The following CYFIP2 variants were observed in gnomAD, a reference collection of about 807,000 sequenced individuals.
CYFIP2 encodes the protein cytoplasmic FMR1-interacting protein 2.
A neutral mutation model predicts 158.7 loss-of-function variants in CYFIP2; 29 were observed. That is an observed-to-expected ratio of 0.18 (90% CI 0.14 to 0.25). The LOEUF is 0.25. Ranked by LOEUF, CYFIP2 falls within the 10% of genes least tolerant of loss-of-function variation. The pLI, the probability that CYFIP2 is intolerant of heterozygous loss-of-function variation, is 1.00. For synonymous variants in CYFIP2, 585 were observed against 617.6 expected, an observed-to-expected ratio of 0.95 and a Z score of 0.78; for missense variants, 852 against 1,639.5, an observed-to-expected ratio of 0.52 and a Z score of 8.29.
intron 11 of CYFIP2, among the ~76,000 whole-genome samples, chr5:157,312,389 G>A (rs1426038757): frequency 6.6e-6 from 1 of 150,734 alleles, no homozygotes; most frequent in Non-Finnish European, 1.5e-5. Flanking sequence ...CCAAATAAGC[G>A]AAAGGAGAGA....
intron 15 of CYFIP2, 68 bp from the exon 16 acceptor site, chr5:157,323,853 T>C (rs1760802744): frequency 1.8e-5 from 25 of 1,428,270 alleles, no homozygotes; most frequent in Non-Finnish European, 2.2e-5. Context: ...AAATACAACA[T>C]GAAGCAACCT....
In CYFIP2 at chr5:157,361,626, G is replaced by A. The variant is rs767053226; in HGVS notation, c.3039+28G>A. 4 of 1,613,480 alleles carry A rather than the reference G, an allele frequency of 2.5e-6. No homozygotes were observed. Among genetic ancestry groups the A allele is most frequent in the Admixed American group, 1.7e-5 (1 of 60,000 alleles). The stretch of plus-strand genomic sequence containing the variant: ...AAGTCCAGAGCCCAAAGGAAGTGGG[G>A]TGTCTCCAGGTTGGAGGGGATGCCA... On this transcript the variant is annotated intron_variant, in intron 26 of 30. Transcript: ENST00000620254. This position sits in a 1 kb window ranked among gnomAD's most constrained non-coding sequence, Gnocchi z 4.4.
At chr5:157,291,320 A>G (rs1199122729) in intron 3 of CYFIP2, among the ~76,000 whole-genome samples, 1 of 152,238 alleles carries the variant, frequency 6.6e-6, no homozygotes, top group Non-Finnish European at 1.5e-5. Flanking sequence ...AAGAGTGAGG[A>G]CCAGAACTCA....
At position 157,307,149 on chromosome 5, in the gene CYFIP2, T is replaced by A. The variant is rs190402397; in HGVS notation, c.796-612T>A. The stretch of plus-strand genomic sequence containing the variant: ...GGCAAATTCAGGAAGAGATTTTTTT[T>A]AAAAAATTAAAGTCACCAGCGGCTC... On this transcript the variant is annotated intron_variant, in intron 8 of 30. Transcript: ENST00000620254. 3.3e-3 allele frequency among the ~76,000 whole-genome samples: 508 copies of A among 152,238 alleles called. 2 individuals are homozygous for A. The highest frequency in any genetic ancestry group is 5.1e-3 in the African/African-American group (210 of 41,548).
chr5:157,353,679 T>A (rs1009347041), intron 23 of CYFIP2, among the ~76,000 whole-genome samples: 1 of 152,228 alleles, frequency 6.6e-6, no homozygotes, highest in African/African-American at 2.4e-5. Flanking sequence ...TCGCCTTTAT[T>A]TACCTGCAGT....
intron 10 of CYFIP2, among the ~76,000 whole-genome samples, chr5:157,310,585 G>A (rs1208929954): frequency 6.6e-6 from 1 of 152,246 alleles, no homozygotes; most frequent in African/African-American, 2.4e-5. Flanking sequence ...GCTAGCGCGT[G>A]ACGGGGTTTT....
chr5:157,339,106 G>A lies in CYFIP2; in HGVS notation c.2435G>A (p.Cys812Tyr), dbSNP rs1331935533. Residue 812 changes from cysteine (C) to tyrosine (Y), a missense_variant, in exon 22 of 31, where the codon TGT becomes TAT. By Grantham distance (194) the Cys-to-Tyr change is radical. Around this residue, in one of 8 missense-constraint regions of CYFIP2, gnomAD observed 191 missense variants for 311.2 expected, o/e 0.61. Coordinates refer to ENST00000620254, the MANE Select transcript of CYFIP2 (RefSeq NM_001037333.3). ...AACCGGCTCACGCATCGGCTGCTCT[G>A]TAAGCATATGACGCTGGACAGCTTC... ...EINRLTHRLL[C>Y]KHMTLDSFDA... 1 of 1,613,896 alleles carries A rather than the reference G, an allele frequency of 6.2e-7. No homozygotes were observed. Among genetic ancestry groups the A allele is most frequent in the Non-Finnish European group, 8.5e-7 (1 of 1,179,846 alleles).
intron 23 of CYFIP2, among the ~76,000 whole-genome samples, chr5:157,346,778 T>C (rs1224325701): frequency 6.6e-6 from 1 of 152,194 alleles, no homozygotes; most frequent in Non-Finnish European, 1.5e-5. Context: ...AACACAAGCG[T>C]CCCAAGAAAC....
intron 11 of CYFIP2, among the ~76,000 whole-genome samples, chr5:157,312,458 A>G (rs1443120363): frequency 6.6e-6 from 1 of 152,186 alleles, no homozygotes; most frequent in Non-Finnish European, 1.5e-5. Flanking sequence ...GGATATATAT[A>G]TATCCTTCTG....
chr5:157,334,538 G>A (rs1761714798), intron 21 of CYFIP2, among the ~76,000 whole-genome samples: 1 of 152,118 alleles, frequency 6.6e-6, no homozygotes, highest in Non-Finnish European at 1.5e-5. Context: ...CTACAATGGA[G>A]AAAATTAGCA....
chr5:157,352,282 C>T (rs1188662714), intron 23 of CYFIP2, among the ~76,000 whole-genome samples: 8 of 152,158 alleles, frequency 5.3e-5, no homozygotes, highest in Non-Finnish European at 1.2e-4. Flanking sequence ...TGCATCATAC[C>T]GTCATACTAC....
chr5:157,343,070 T>A, intron 23 of CYFIP2: 1 of 1,614,198 alleles, frequency 6.2e-7, no homozygotes. Context: ...CACCAACCCA[T>A]TGGCCTCCTC....
chr5:157,302,408 C>T (rs1758837481), intron 6 of CYFIP2, among the ~76,000 whole-genome samples: 1 of 152,196 alleles, frequency 6.6e-6, no homozygotes, highest in Non-Finnish European at 1.5e-5. Context: ...TAGCATCCTA[C>T]CTGCACTGCT....
At chr5:157,348,604 G>A (rs1481316530) in intron 23 of CYFIP2, among the ~76,000 whole-genome samples, 5 of 152,146 alleles carry the variant, frequency 3.3e-5, no homozygotes. Context: ...TAGAGACGGA[G>A]TTTCACCATG....
chr5:157,350,201 C>A (rs1762975057), intron 23 of CYFIP2, among the ~76,000 whole-genome samples: 1 of 152,098 alleles, frequency 6.6e-6, no homozygotes, highest in South Asian at 2.1e-4. Context: ...TTTGCCTAAG[C>A]CAATGTCTAG....
intron 23 of CYFIP2, 61 bp downstream of exon 23, chr5:157,341,218 G>A (rs1276768995): frequency 5.4e-6 from 8 of 1,489,498 alleles, no homozygotes; most frequent in Non-Finnish European, 7.5e-6. Flanking sequence ...AAATAGAAAA[G>A]TGTCTCTTAA....
At chr5:157,283,608 G>A (rs758771100) in intron 1 of CYFIP2, among the ~76,000 whole-genome samples, 27 of 152,130 alleles carry the variant, frequency 1.8e-4, no homozygotes, top group Non-Finnish European at 3.1e-4. Context: ...TTACCTCTGG[G>A]CTCAGTGAGC....
intron 2 of CYFIP2, among the ~76,000 whole-genome samples, chr5:157,286,216 T>A (rs550419141): frequency 9.9e-5 from 15 of 152,242 alleles, no homozygotes; most frequent in Admixed American, 9.8e-4. Context: ...CAGATTAAAA[T>A]TTTAATTATA....
intron 27 of CYFIP2, 157 bp from the exon 28 acceptor site, chr5:157,383,108 A>T: frequency 1.6e-6 from 1 of 631,694 alleles, no homozygotes; most frequent in Non-Finnish European, 2.8e-6. Flanking sequence ...TCCTTGTAAA[A>T]ACTACTCACA....
Sources: allele counts gnomAD v4.1 joint callset (sites outside exome capture counted in the v4.1 genomes callset), GRCh38; gene constraint gnomAD v4.1.1; regional missense constraint gnomAD v4.1.1; non-coding constraint Gnocchi (gnomAD v3.1); transcripts MANE v1.5; gene names NCBI Gene and HGNC (gene_info 2026-07-23, HGNC 2026-07-21).